SLC35F1: variants seen among roughly 807,000 people sequenced by gnomAD.
SLC35F1 encodes chromosome 6 open reading frame 169.
A neutral mutation model predicts 48.7 loss-of-function variants in SLC35F1; 14 were observed. The ratio of observed to expected loss-of-function variants is 0.29; its 90% CI spans 0.19 to 0.45. The LOEUF (loss-of-function observed/expected upper bound fraction) is 0.45. Among genes scored for constraint, SLC35F1 ranks in the 20% least tolerant of loss-of-function variants. The pLI is 1.00. For missense variants in SLC35F1, 404 were observed against 500.0 expected (o/e 0.81, Z 1.83); for synonymous variants, 190 against 202.2 (o/e 0.94, Z 0.51).
chr6:118,145,357 G>A (rs916861954), intron 1 of SLC35F1, among the ~76,000 whole-genome samples: 5 of 152,184 alleles, frequency 3.3e-5, no homozygotes, highest in African/African-American at 1.2e-4. Context: ...TCTGGTTAAA[G>A]GATTTTGCAG....
At chr6:118,259,315 A>G (rs1320333306) in intron 3 of SLC35F1, among the ~76,000 whole-genome samples, 2 of 152,054 alleles carry the variant, frequency 1.3e-5, no homozygotes, top group East Asian at 3.9e-4. Flanking sequence ...TGTGGAGAAA[A>G]TTTTGACAGT....
intron 1 of SLC35F1, among the ~76,000 whole-genome samples, chr6:117,942,407 C>T (rs1044323314): frequency 1.3e-5 from 2 of 152,154 alleles, no homozygotes; most frequent in Non-Finnish European, 2.9e-5. Context: ...ATGTTCATGA[C>T]TTTCTGTTCA....
chr6:118,311,753 T>A (rs1218082637), intron 7 of SLC35F1, among the ~76,000 whole-genome samples: 1 of 151,858 alleles, frequency 6.6e-6, no homozygotes, highest in African/African-American at 2.4e-5. Flanking sequence ...ATTGTGCCAC[T>A]GCATCCAGCC....
chr6:118,209,054 C>A (rs1774971630), intron 2 of SLC35F1, among the ~76,000 whole-genome samples: 1 of 152,172 alleles, frequency 6.6e-6, no homozygotes, highest in South Asian at 2.1e-4. Flanking sequence ...CTGCCCCATA[C>A]CTGAAGGAAG....
chr6:118,198,170 T>C (rs1361310373), intron 2 of SLC35F1, among the ~76,000 whole-genome samples: 1 of 152,186 alleles, frequency 6.6e-6, no homozygotes, highest in Non-Finnish European at 1.5e-5. Context: ...AATCATGCAA[T>C]CTGTGAAGGT....
At chr6:118,104,047 G>A (rs1433735121) in intron 1 of SLC35F1, among the ~76,000 whole-genome samples, 1 of 152,032 alleles carries the variant, frequency 6.6e-6, no homozygotes, top group Non-Finnish European at 1.5e-5. Flanking sequence ...GCACATGCAT[G>A]CCAGCTCAGA....
chr6:117,997,818 T>C (rs1777018835), intron 1 of SLC35F1, among the ~76,000 whole-genome samples: 1 of 152,056 alleles, frequency 6.6e-6, no homozygotes, highest in Non-Finnish European at 1.5e-5. Context: ...CACTGCAAAA[T>C]CATACCAAAT....
At chr6:117,972,527 AAG>A (rs1239180761) in intron 1 of SLC35F1, among the ~76,000 whole-genome samples, 1 of 152,220 alleles carries the variant, frequency 6.6e-6, no homozygotes, top group African/African-American at 2.4e-5. Context: ...TATAAAGAAA[AAG>A]AGATTTAATG....
At chr6:117,992,116 C>CTAAT (rs1479003680) in intron 1 of SLC35F1, among the ~76,000 whole-genome samples, 16 of 152,106 alleles carry the variant, frequency 1.1e-4, no homozygotes, top group Middle Eastern at 3.4e-3. Flanking sequence ...ATCCTGAGAT[C>CTAAT]TAATATTCAA....
chr6:118,245,879 T>C (rs1775501391), intron 3 of SLC35F1, among the ~76,000 whole-genome samples: 1 of 152,172 alleles, frequency 6.6e-6, no homozygotes, highest in Non-Finnish European at 1.5e-5. Context: ...TCTAGCATTC[T>C]CTCTATCCTC....
At chr6:118,269,788 C>T (rs1212449095) in intron 4 of SLC35F1, among the ~76,000 whole-genome samples, 5 of 152,060 alleles carry the variant, frequency 3.3e-5, no homozygotes, top group African/African-American at 7.2e-5. Context: ...GAAATCCCAA[C>T]GACTCAAGAG....
chr6:118,129,021 A>G (rs1773671195), intron 1 of SLC35F1, among the ~76,000 whole-genome samples: 1 of 152,158 alleles, frequency 6.6e-6, no homozygotes. Context: ...ATCCATTCAT[A>G]GAATATTTAT....
chr6:118,014,301 AG>A (rs1370972904), intron 1 of SLC35F1, among the ~76,000 whole-genome samples: 1 of 152,184 alleles, frequency 6.6e-6, no homozygotes, highest in Non-Finnish European at 1.5e-5. Flanking sequence ...GATTCAGGAA[AG>A]GTTGTTCTCT....
At chr6:118,177,919 G>A (rs1470165492) in intron 2 of SLC35F1, among the ~76,000 whole-genome samples, 1 of 152,046 alleles carries the variant, frequency 6.6e-6, no homozygotes, top group East Asian at 1.9e-4. Flanking sequence ...GCTAAGTGCT[G>A]CCTATAAAGC....
rs1438203703 is a variant in SLC35F1, at chr6:118,314,707, G to C, written c.*455G>C. On this transcript the variant is annotated 3_prime_UTR_variant, in exon 8 of 8. Coordinates refer to ENST00000360388, the MANE Select transcript of SLC35F1 (RefSeq NM_001029858.4). The stretch of plus-strand genomic sequence containing the variant: ...GAGTCATACTTTATTTTTTTGCACA[G>C]ACTATATGAGTGATGCATGCCACAG... 2 of 172,000 alleles carry C rather than the reference G, an allele frequency of 1.2e-5. No individual in the cohort carries two copies. Among genetic ancestry groups the C allele is most frequent in the East Asian group, 1.4e-4 (1 of 7,116 alleles). 10.7% of individuals were successfully genotyped at this position (172,000 alleles called of 1,614,324 possible). A position where few individuals can be genotyped will look rare whatever the true frequency, so the allele number is the denominator to read the frequency against.
intron 1 of SLC35F1, among the ~76,000 whole-genome samples, chr6:118,142,979 C>G (rs1246705199): frequency 6.6e-6 from 1 of 152,108 alleles, no homozygotes; most frequent in Non-Finnish European, 1.5e-5. Context: ...CATGTTCTTT[C>G]AAGTTAAATG....
intron 1 of SLC35F1, among the ~76,000 whole-genome samples, chr6:117,918,771 C>A (rs1317003868): frequency 6.6e-6 from 1 of 151,974 alleles, no homozygotes; most frequent in Non-Finnish European, 1.5e-5. Flanking sequence ...GAAGCCAGAA[C>A]CATCATCTTA....
At chr6:117,953,758 G>A (rs1253503400) in intron 1 of SLC35F1, among the ~76,000 whole-genome samples, 2 of 152,176 alleles carry the variant, frequency 1.3e-5, no homozygotes, top group African/African-American at 4.8e-5. Flanking sequence ...CAATCTGGGA[G>A]TATGGGGAGA....
intron 1 of SLC35F1, among the ~76,000 whole-genome samples, chr6:118,094,504 G>A (rs1196591774): frequency 6.6e-6 from 1 of 152,056 alleles, no homozygotes; most frequent in Non-Finnish European, 1.5e-5. Context: ...GTACTCAAGA[G>A]GTCATCAAGA....
Sources: gnomAD v4.1 joint callset for allele counts (sites outside exome capture counted in the v4.1 genomes callset) on GRCh38, gnomAD v4.1.1 for gene constraint, MANE v1.5 for transcripts, NCBI Gene and HGNC (gene_info 2026-07-23, HGNC 2026-07-21) for gene names.